MYCBP2: variants seen among roughly 807,000 people sequenced by gnomAD.
MYCBP2 encodes E3 ubiquitin-protein ligase MYCBP2.
Under a neutral mutation model 525.3 loss-of-function variants are expected in MYCBP2, and 120 were observed. The observed-to-expected ratio is 0.23, with a 90% CI of 0.20 to 0.27. The LOEUF (loss-of-function observed/expected upper bound fraction) is 0.27, where lower values mean the gene tolerates loss of function less well. Among genes scored for constraint, MYCBP2 ranks in the 10% least tolerant of loss-of-function variants. MYCBP2 has a pLI of 1.00. For synonymous variants in MYCBP2, 1,894 were observed against 1,955.8 expected (o/e 0.97, Z 0.83); for missense variants, 4,149 against 5,657.1 (o/e 0.73, Z 8.55).
At chr13:77,094,453 T>C (rs533355770) in intron 58 of MYCBP2, among the ~76,000 whole-genome samples, 1 of 152,316 alleles carries the variant, frequency 6.6e-6, no homozygotes, top group Non-Finnish European at 1.5e-5. Context: ...CCAGTTCATG[T>C]ATTTCTCTGT....
At position 77,051,863 on chromosome 13, in the gene MYCBP2, T is replaced by C; in HGVS notation, c.13703A>G (p.Tyr4568Cys). Residue 4568 changes from tyrosine (Y) to cysteine (C), a missense_variant, in exon 81 of 83, where the codon TAT becomes TGT. Around this residue, in one of 21 missense-constraint regions of MYCBP2, gnomAD observed 24 missense variants for 24.9 expected, o/e 0.96. Coordinates refer to ENST00000544440, the MANE Select transcript of MYCBP2 (RefSeq NM_015057.5). ...CDAEAGRGDDYDPRELICGAC... is the reference protein window; with the variant it reads ...CDAEAGRGDDCDPRELICGAC... Reference sequence around the variant, plus strand: ...ACCACAAATGAGCTCTCTGGGATCATAATCATCTCCCCGTCCAGCCTCAGC... The same window carrying C: ...ACCACAAATGAGCTCTCTGGGATCACAATCATCTCCCCGTCCAGCCTCAGC... The C allele has an allele frequency of 6.2e-7, 1 of 1,614,160 alleles. No individual in the cohort carries two copies. The highest frequency in any genetic ancestry group is 8.5e-7 in the Non-Finnish European group (1 of 1,180,028).
At chr13:77,199,421 C>T (rs2062178051) in intron 26 of MYCBP2, among the ~76,000 whole-genome samples, 1 of 152,240 alleles carries the variant, frequency 6.6e-6, no homozygotes, top group South Asian at 2.1e-4. Flanking sequence ...ATTGCTAGCA[C>T]AGCAGTCTGA....
At chr13:77,109,923 G>C (rs1246808542) in intron 55 of MYCBP2, 1 of 152,160 alleles carries the variant, frequency 6.6e-6, no homozygotes, top group Non-Finnish European at 1.5e-5. Context: ...TCTTATGCCT[G>C]TCTTTACTTT....
Position 77,323,576 on chromosome 13 carries a change from T to C in MYCBP2, c.302+2898A>G, listed in dbSNP as rs142020119. ...GCCCTATCACATGAAATAGGTTTTATTGCCTTCACAGTTACTTATTACTAA... is the reference window on the plus strand; with the variant it reads ...GCCCTATCACATGAAATAGGTTTTACTGCCTTCACAGTTACTTATTACTAA... On this transcript the variant is annotated intron_variant, in intron 1 of 82. Transcript: ENST00000544440. Among the ~76,000 whole-genome samples the C allele has an allele frequency of 1.8e-3, 267 of 152,372 alleles. 2 individuals are homozygous for C. Among genetic ancestry groups the C allele is most frequent in the African/African-American group, 6.1e-3 (255 of 41,580 alleles).
chr13:77,191,677 A>AC lies in MYCBP2; in HGVS notation c.4070+1dup. On this transcript the variant is annotated splice_donor_variant, in intron 28 of 82. Coordinates refer to ENST00000544440, the MANE Select transcript of MYCBP2 (RefSeq NM_015057.5). LOFTEE classifies it high-confidence loss of function. Reference sequence around the variant, plus strand: ...TTAAGTAACACTTGGGCATTTACTTACCCATCATCTGTGGTAATAGATGCC... The same window carrying AC: ...TTAAGTAACACTTGGGCATTTACTTACCCCATCATCTGTGGTAATAGATGCC... The AC allele has an allele frequency of 6.2e-7, 1 of 1,612,044 alleles. No homozygotes were observed. The highest frequency in any genetic ancestry group is 8.5e-7 in the Non-Finnish European group (1 of 1,179,344).
chr13:77,162,165 T>C (rs933559736), intron 43 of MYCBP2, among the ~76,000 whole-genome samples: 5 of 152,226 alleles, frequency 3.3e-5, no homozygotes, highest in African/African-American at 9.6e-5. Flanking sequence ...CTCAAGGCAA[T>C]ACTCAAGAAG....
At chr13:77,054,000 C>A (rs1001592531) in intron 80 of MYCBP2, among the ~76,000 whole-genome samples, 5 of 152,130 alleles carry the variant, frequency 3.3e-5, no homozygotes, top group Admixed American at 3.3e-4. Context: ...GAGTTCTATG[C>A]TAGATGCCTG....
chr13:77,224,879 G>A (rs1465355911), intron 19 of MYCBP2, among the ~76,000 whole-genome samples: 1 of 151,976 alleles, frequency 6.6e-6, no homozygotes, highest in Non-Finnish European at 1.5e-5. Context: ...TCTAGGATAG[G>A]AGGTCTGCAC....
chr13:77,183,124 G>C (rs1354690902), intron 32 of MYCBP2, among the ~76,000 whole-genome samples: 1 of 151,960 alleles, frequency 6.6e-6, no homozygotes, highest in African/African-American at 2.4e-5. Flanking sequence ...ATGATATATT[G>C]TTTACATGTT....
At chr13:77,070,542 C>A (rs1329112980) in intron 69 of MYCBP2, 89 bp downstream of exon 69, 3 of 916,126 alleles carry the variant, frequency 3.3e-6, no homozygotes, top group African/African-American at 1.7e-5. Flanking sequence ...CTGCTTTATA[C>A]CCTAATAACA....
chr13:77,075,418 C>T (rs2042106824), intron 68 of MYCBP2: 1 of 152,138 alleles, frequency 6.6e-6, no homozygotes, highest in African/African-American at 2.4e-5. Context: ...AACCTTAACT[C>T]CTCAGCATAC....
At chr13:77,178,275 C>A (rs1303847694) in intron 34 of MYCBP2, among the ~76,000 whole-genome samples, 2 of 152,122 alleles carry the variant, frequency 1.3e-5, no homozygotes, top group African/African-American at 4.8e-5. Context: ...AAAAGAGATG[C>A]TAAAAATTTC....
intron 57 of MYCBP2, among the ~76,000 whole-genome samples, chr13:77,096,063 C>T (rs901547599): frequency 6.6e-6 from 1 of 151,730 alleles, no homozygotes; most frequent in Non-Finnish European, 1.5e-5. Context: ...AAGAGTTACA[C>T]AACAAATATT....
At chr13:77,266,677 TA>T (rs1555448056) in intron 8 of MYCBP2, among the ~76,000 whole-genome samples, 1 of 148,160 alleles carries the variant, frequency 6.7e-6, no homozygotes, top group Non-Finnish European at 1.5e-5. Flanking sequence ...TTATTAAAAG[TA>T]TTTTTTAATA....
Position 77,056,188 on chromosome 13 carries a change from C to T in MYCBP2, c.13438-421G>A, listed in dbSNP as rs187826260. On this transcript the variant is annotated intron_variant, in intron 79 of 82. Coordinates refer to ENST00000544440, the MANE Select transcript of MYCBP2 (RefSeq NM_015057.5). ...GCTTCCTTGAGGGGAAGGCAGAACGCCAGGTGACAGAAGTGAACAGGTAGT... is the reference window on the plus strand; with the variant it reads ...GCTTCCTTGAGGGGAAGGCAGAACGTCAGGTGACAGAAGTGAACAGGTAGT... Among the ~76,000 whole-genome samples the T allele has an allele frequency of 4.6e-4, 66 of 144,518 alleles. No homozygotes were observed. The East Asian group carries it at 0.013, about 29-fold the overall frequency. 94.8% of individuals were successfully genotyped at this position (144,518 alleles called of 152,430 possible). A position where few individuals can be genotyped will look rare whatever the true frequency, so the allele number is the denominator to read the frequency against.
At chr13:77,135,537 T>C (rs1347968960) in intron 52 of MYCBP2, among the ~76,000 whole-genome samples, 1 of 152,310 alleles carries the variant, frequency 6.6e-6, no homozygotes, top group African/African-American at 2.4e-5. Context: ...AAATCATACC[T>C]GTCCCTGCCT....
chr13:77,112,477 G>C (rs921531203), intron 55 of MYCBP2, among the ~76,000 whole-genome samples: 6 of 151,006 alleles, frequency 4.0e-5, no homozygotes, highest in African/African-American at 1.5e-4. Context: ...AGGCTAGAGT[G>C]GGGTGGCATG....
intron 17 of MYCBP2, among the ~76,000 whole-genome samples, chr13:77,236,380 G>C (rs1163845197): frequency 1.3e-5 from 2 of 152,082 alleles, no homozygotes; most frequent in Non-Finnish European, 2.9e-5. Context: ...CATGGAATAA[G>C]TGGCAGTGTT....
intron 55 of MYCBP2, among the ~76,000 whole-genome samples, chr13:77,117,207 C>T (rs1244644655): frequency 3.9e-5 from 6 of 152,056 alleles, no homozygotes; most frequent in Admixed American, 3.9e-4. Flanking sequence ...CTATTTCGCA[C>T]ATGTGACACT....
Sources: gnomAD v4.1 joint callset for allele counts (sites outside exome capture counted in the v4.1 genomes callset) on GRCh38, gnomAD v4.1.1 for gene constraint, gnomAD v4.1.1 regional missense constraint, MANE v1.5 for transcripts, NCBI Gene and HGNC (gene_info 2026-07-23, HGNC 2026-07-21) for gene names.